SLC24A3: variants seen among roughly 807,000 people sequenced by gnomAD.
The protein encoded by SLC24A3 is solute carrier family 24 member 3.
A neutral mutation model predicts 75.8 loss-of-function variants in SLC24A3; 28 were observed. The observed-to-expected ratio is 0.37, with a 90% CI of 0.27 to 0.51. The LOEUF (loss-of-function observed/expected upper bound fraction) is 0.51. SLC24A3 is among the 20% of genes least tolerant of loss of function. SLC24A3 has a pLI of 0.94. For synonymous variants in SLC24A3, 372 were observed against 334.1 expected (o/e 1.11, Z -1.24); for missense variants, 663 against 847.8 (o/e 0.78, Z 2.71).
intron 15 of SLC24A3, among the ~76,000 whole-genome samples, chr20:19,705,301 G>A (rs1330559839): frequency 1.3e-5 from 2 of 152,172 alleles, no homozygotes; most frequent in African/African-American, 4.8e-5. Context: ...GATGGTTGGA[G>A]GAACCTCTCT....
chr20:19,696,485 T>C (rs764991846), intron 13 of SLC24A3: 11 of 271,962 alleles, frequency 4.0e-5, no homozygotes, highest in Non-Finnish European at 7.0e-5. Context: ...AAATATTCTG[T>C]CCCAATATTG....
chr20:19,477,013 G>T (rs555196149), intron 2 of SLC24A3, among the ~76,000 whole-genome samples: 5 of 152,058 alleles, frequency 3.3e-5, no homozygotes, highest in African/African-American at 4.8e-5. Context: ...CTGAGCTGGG[G>T]TGGGATAAAT....
chr20:19,712,071 C>G (rs200493785), intron 15 of SLC24A3, among the ~76,000 whole-genome samples: 1 of 152,172 alleles, frequency 6.6e-6, no homozygotes, highest in East Asian at 1.9e-4. Flanking sequence ...CTCACCCTTT[C>G]AAGTAGCTGG....
chr20:19,473,143 C>T (rs1013674481), intron 2 of SLC24A3, among the ~76,000 whole-genome samples: 4 of 152,228 alleles, frequency 2.6e-5, no homozygotes, highest in African/African-American at 9.6e-5. Flanking sequence ...CTTTCAAAGC[C>T]AAAGATCTTG....
In SLC24A3 at chr20:19,396,407, A is replaced by C. The variant is rs537031329; in HGVS notation, c.271+115320A>C. ...GTATTGAGATAGTATCATCAACATG[A>C]AGTCAATATACAAATTAGTAATGAG... On this transcript the variant is annotated intron_variant, in intron 2 of 16. Coordinates refer to ENST00000328041, the MANE Select transcript of SLC24A3 (RefSeq NM_020689.4). Among the ~76,000 whole-genome samples the C allele has an allele frequency of 3.9e-5, 6 of 152,356 alleles. No homozygotes were observed. In the South Asian group the frequency reaches 6.2e-4, roughly 16 times the overall value.
intron 2 of SLC24A3, among the ~76,000 whole-genome samples, chr20:19,377,254 T>C (rs1986100001): frequency 6.6e-6 from 1 of 152,178 alleles, no homozygotes; most frequent in South Asian, 2.1e-4. Context: ...TTTCTTCTCT[T>C]TCTGATTTGA....
intron 1 of SLC24A3, among the ~76,000 whole-genome samples, chr20:19,243,174 G>A (rs779314780): frequency 3.3e-5 from 5 of 152,116 alleles, no homozygotes; most frequent in Non-Finnish European, 5.9e-5. Flanking sequence ...GATTTCCTGA[G>A]ACATATGTTA....
intron 2 of SLC24A3, among the ~76,000 whole-genome samples, chr20:19,318,951 T>G (rs529878130): frequency 7.2e-5 from 11 of 152,146 alleles, no homozygotes; most frequent in Non-Finnish European, 1.2e-4. Flanking sequence ...ACACAGTTCT[T>G]CCCCTTGTTA....
intron 2 of SLC24A3, among the ~76,000 whole-genome samples, chr20:19,481,721 CA>C (rs1157627029): frequency 1.3e-5 from 2 of 152,106 alleles, no homozygotes; most frequent in East Asian, 3.9e-4. Flanking sequence ...AAAGCCAGAT[CA>C]GCATTTCATT....
intron 2 of SLC24A3, among the ~76,000 whole-genome samples, chr20:19,510,060 G>A (rs970492752): frequency 3.3e-5 from 5 of 152,180 alleles, no homozygotes; most frequent in African/African-American, 4.8e-5. Flanking sequence ...TATATAGCAC[G>A]CACGTAGGAG....
chr20:19,262,473 G>C (rs1983024177), intron 1 of SLC24A3, among the ~76,000 whole-genome samples: 1 of 151,480 alleles, frequency 6.6e-6, no homozygotes, highest in Non-Finnish European at 1.5e-5. Flanking sequence ...GATAAAGAGG[G>C]CTTTATTCTC....
intron 6 of SLC24A3, among the ~76,000 whole-genome samples, chr20:19,636,759 T>A (rs1447426498): frequency 6.6e-6 from 1 of 152,124 alleles, no homozygotes; most frequent in African/African-American, 2.4e-5. Context: ...AATCCATATG[T>A]ATAAGGCTGC....
At chr20:19,622,191 AGGCTT>A (rs2031812857) in intron 6 of SLC24A3, among the ~76,000 whole-genome samples, 1 of 152,208 alleles carries the variant, frequency 6.6e-6, no homozygotes, top group South Asian at 2.1e-4. Flanking sequence ...GAACAATCAG[AGGCTT>A]GGTGCAGAAA....
chr20:19,296,718 C>G (rs936440904), intron 2 of SLC24A3, among the ~76,000 whole-genome samples: 1 of 152,188 alleles, frequency 6.6e-6, no homozygotes, highest in Non-Finnish European at 1.5e-5. Context: ...ATATTCAGGA[C>G]TTGAACTCAG....
intron 1 of SLC24A3, among the ~76,000 whole-genome samples, chr20:19,257,311 C>G (rs906526268): frequency 1.3e-5 from 2 of 152,214 alleles, no homozygotes; most frequent in African/African-American, 4.8e-5. Flanking sequence ...TAAGCCTGAA[C>G]AGCGGTTTCC....
At chr20:19,247,774 C>T (rs978548732) in intron 1 of SLC24A3, among the ~76,000 whole-genome samples, 1 of 152,114 alleles carries the variant, frequency 6.6e-6, no homozygotes, top group Non-Finnish European at 1.5e-5. Flanking sequence ...CACTTAATTT[C>T]TTTTAGAAAA....
At chr20:19,261,179 G>T (rs545816974) in intron 1 of SLC24A3, among the ~76,000 whole-genome samples, 21 of 152,234 alleles carry the variant, frequency 1.4e-4, no homozygotes, top group Non-Finnish European at 2.6e-4. Flanking sequence ...GAGACTCCTC[G>T]TTCTGGTCTG....
chr20:19,622,186 A>G (rs910635126), intron 6 of SLC24A3, among the ~76,000 whole-genome samples: 10 of 152,216 alleles, frequency 6.6e-5, no homozygotes, highest in Admixed American at 5.9e-4. Context: ...GGATGGAACA[A>G]TCAGAGGCTT....
chr20:19,543,197 C>T (rs977346317), intron 3 of SLC24A3, among the ~76,000 whole-genome samples: 9 of 152,162 alleles, frequency 5.9e-5, no homozygotes, highest in African/African-American at 2.2e-4. Context: ...GATGAAATCG[C>T]TTCTTCAAGG....
Sources: allele counts gnomAD v4.1 joint callset (sites outside exome capture counted in the v4.1 genomes callset), GRCh38; gene constraint gnomAD v4.1.1; transcripts MANE v1.5; gene names NCBI Gene and HGNC (gene_info 2026-07-23, HGNC 2026-07-21).